The following ARHGAP22 variants were observed in gnomAD, a reference collection of about 807,000 sequenced individuals.
ARHGAP22 encodes Rho GTPase activating protein 22.
Under a neutral mutation model 59.1 loss-of-function variants are expected in ARHGAP22, and 48 were observed. The observed-to-expected ratio is 0.81, with a 90% confidence interval of 0.64 to 1.03. The LOEUF (loss-of-function observed/expected upper bound fraction) is 1.03. Among genes scored for constraint, ARHGAP22 ranks in the 50% least tolerant of loss-of-function variants. The pLI is 0.00. For synonymous variants in ARHGAP22, 445 were observed against 416.4 expected, an observed-to-expected ratio of 1.07 and a Z score of -0.84; for missense variants, 1,015 against 958.7, an observed-to-expected ratio of 1.06 and a Z score of -0.78.
chr10:48,547,236 G>A (rs1260701786), intron 3 of ARHGAP22, among the ~76,000 whole-genome samples: 1 of 152,256 alleles, frequency 6.6e-6, no homozygotes, highest in Non-Finnish European at 1.5e-5. Flanking sequence ...GCATCCGCGT[G>A]TGGTGTGTCT....
intron 3 of ARHGAP22, among the ~76,000 whole-genome samples, chr10:48,532,067 G>A (rs1383054388): frequency 1.3e-5 from 2 of 152,158 alleles, no homozygotes; most frequent in African/African-American, 2.4e-5. Context: ...CCTTTGATTG[G>A]CACTAGTAAC....
At chr10:48,483,366 G>T (rs536493052) in intron 3 of ARHGAP22, among the ~76,000 whole-genome samples, 14 of 152,074 alleles carry the variant, frequency 9.2e-5, no homozygotes, top group Non-Finnish European at 4.4e-5. Flanking sequence ...TGCAACCTCC[G>T]GCATAAATGG....
chr10:48,590,810 G>A (rs1237483805), intron 1 of ARHGAP22, among the ~76,000 whole-genome samples: 4 of 151,960 alleles, frequency 2.6e-5, no homozygotes, highest in African/African-American at 7.3e-5. Flanking sequence ...GCTTCCTCTT[G>A]GGGTGAGATG....
intron 3 of ARHGAP22, among the ~76,000 whole-genome samples, chr10:48,489,743 T>C (rs2050188576): frequency 6.7e-6 from 1 of 149,268 alleles, no homozygotes; most frequent in Non-Finnish European, 1.5e-5. Flanking sequence ...TTTTTTTTTT[T>C]TTTTTTTTGA....
upstream of ARHGAP22, among the ~76,000 whole-genome samples, chr10:48,654,413 T>C (rs1276559877): frequency 1.3e-5 from 2 of 152,242 alleles, no homozygotes; most frequent in African/African-American, 4.8e-5. Flanking sequence ...TCTTGCCTCA[T>C]GGCCTTGGTT....
chr10:48,529,104 TG>T (rs1197164356), intron 3 of ARHGAP22, among the ~76,000 whole-genome samples: 1 of 152,180 alleles, frequency 6.6e-6, no homozygotes, highest in Admixed American at 6.5e-5. Context: ...AGTCACAACA[TG>T]GCATTTAGGG....
intron 3 of ARHGAP22, among the ~76,000 whole-genome samples, chr10:48,537,985 C>T (rs1276542856): frequency 1.3e-5 from 2 of 152,222 alleles, no homozygotes; most frequent in Non-Finnish European, 2.9e-5. Context: ...GTGGCCCTGG[C>T]AGTGTCACTC....
intron 3 of ARHGAP22, among the ~76,000 whole-genome samples, chr10:48,487,069 T>TTGTGA (rs2049931730): frequency 6.6e-6 from 1 of 152,160 alleles, no homozygotes; most frequent in Non-Finnish European, 1.5e-5. Context: ...TCACTGAACT[T>TTGTGA]CTTAGATTTG....
chr10:48,467,982 A>G (rs972886659), intron 4 of ARHGAP22, among the ~76,000 whole-genome samples: 2 of 152,344 alleles, frequency 1.3e-5, no homozygotes, highest in African/African-American at 4.8e-5. Flanking sequence ...CAGGGGCACA[A>G]TTTAAGGGGC....
intron 3 of ARHGAP22, among the ~76,000 whole-genome samples, chr10:48,536,773 C>T (rs2055397662): frequency 6.6e-6 from 1 of 152,216 alleles, no homozygotes; most frequent in Non-Finnish European, 1.5e-5. Context: ...GCCTCAGCTT[C>T]TGTTGCCCTG....
intron 1 of ARHGAP22, among the ~76,000 whole-genome samples, chr10:48,613,182 C>T (rs1055942794): frequency 1.3e-5 from 2 of 152,156 alleles, no homozygotes; most frequent in Non-Finnish European, 2.9e-5. Flanking sequence ...TTTTAAGGCT[C>T]TCTTGTGTGT....
the ARHGAP22 span, chr10:48,439,118 C>G: frequency 6.6e-6 from 1 of 151,912 alleles, no homozygotes; most frequent in South Asian, 2.1e-4. Flanking sequence ...TGCTTTTCTC[C>G]CTCTGCGATG....
rs747182729 is a variant in ARHGAP22 at position 48,459,713 on chromosome 10, G to A, written c.630C>T (p.Phe210=). 5 of 1,614,036 alleles carry A rather than the reference G, an allele frequency of 3.1e-6. No individual in the cohort carries two copies. Among genetic ancestry groups the A allele is most frequent in the African/African-American group, 2.7e-5 (2 of 74,940 alleles). Residue 210 remains phenylalanine, a synonymous_variant, in exon 5 of 10, where the codon TTC becomes TTT. Coordinates refer to ENST00000249601, the MANE Select transcript of ARHGAP22 (RefSeq NM_021226.4). ...ANLVRDLQDS[F]DCGEKPLFDS... ...CAAACAGTGGCTTCTCCCCACAGTCGAAGGAATCCTGCAGGTCCCTCACCA... is the reference window on the plus strand; with the variant it reads ...CAAACAGTGGCTTCTCCCCACAGTCAAAGGAATCCTGCAGGTCCCTCACCA...
chr10:48,598,192 C>T (rs1220010259), intron 1 of ARHGAP22, among the ~76,000 whole-genome samples: 2 of 152,186 alleles, frequency 1.3e-5, no homozygotes, highest in Non-Finnish European at 2.9e-5. Context: ...TCTGTTTTCC[C>T]ATCAGTTGGT....
chr10:48,447,726 G>C (rs2045504338), intron 9 of ARHGAP22, among the ~76,000 whole-genome samples: 1 of 152,082 alleles, frequency 6.6e-6, no homozygotes, highest in African/African-American at 2.4e-5. Flanking sequence ...CATTTCATCA[G>C]CATCTCTGAC....
At chr10:48,527,205 A>G (rs377401602) in intron 3 of ARHGAP22, among the ~76,000 whole-genome samples, 125 of 152,062 alleles carry the variant, frequency 8.2e-4, no homozygotes, top group African/African-American at 2.9e-3. Flanking sequence ...GCATGGATGG[A>G]TGGATGGGCA....
chr10:48,528,235 G>C (rs1259670961), intron 3 of ARHGAP22, among the ~76,000 whole-genome samples: 1 of 152,106 alleles, frequency 6.6e-6, no homozygotes, highest in East Asian at 1.9e-4. Flanking sequence ...CAGGAGTCTG[G>C]ATTGCTCCTC....
intron 5 of ARHGAP22, among the ~76,000 whole-genome samples, chr10:48,456,718 C>T (rs780607197): frequency 6.6e-6 from 1 of 152,132 alleles, no homozygotes; most frequent in African/African-American, 2.4e-5. Flanking sequence ...TGCAGACCTG[C>T]CCGGCTGCAT....
At chr10:48,575,162 A>G (rs1285742431) in intron 2 of ARHGAP22, 1 of 152,294 alleles carries the variant, frequency 6.6e-6, no homozygotes, top group East Asian at 1.9e-4. Flanking sequence ...GCCTTCCGCC[A>G]TGATTCTAAG....
Sources: allele counts gnomAD v4.1 joint callset (sites outside exome capture counted in the v4.1 genomes callset), GRCh38; gene constraint gnomAD v4.1.1; transcripts MANE v1.5; gene names NCBI Gene and HGNC (gene_info 2026-07-23, HGNC 2026-07-21).